The following RGS6 variants were observed in gnomAD, a reference collection of about 807,000 sequenced individuals.
RGS6 encodes the protein regulator of G protein signaling 6, also known as regulator of G-protein signaling 6.
In RGS6, 30 loss-of-function variants were observed where a neutral mutation model predicts 78.5. The observed-to-expected ratio is 0.38, with a 90% CI of 0.29 to 0.52. RGS6 has a LOEUF of 0.52. Among genes scored for constraint, RGS6 ranks in the 20% least tolerant of loss-of-function variants. The probability of loss-of-function intolerance (pLI) is 0.85; values close to 1 mark genes in which losing one functional copy is unlikely to be tolerated. For missense variants in RGS6, 495 were observed against 609.7 expected, an observed-to-expected ratio of 0.81 and a Z score of 1.98; for synonymous variants, 206 against 206.0, an observed-to-expected ratio of 1.00 and a Z score of 0.00.
chr14:72,520,837 G>T (rs528961353), intron 15 of RGS6, among the ~76,000 whole-genome samples: 2 of 152,300 alleles, frequency 1.3e-5, no homozygotes, highest in South Asian at 4.1e-4. Context: ...GGCCATCTCT[G>T]GCCAGTTGGC....
chr14:72,319,372 C>T lies in RGS6; in HGVS notation c.85-32723C>T, dbSNP rs1341283887. On this transcript the variant is annotated intron_variant, in intron 2 of 17. Transcript: ENST00000553525. ...GAAATTTTTTTTTTTTTTTTTGAGA[C>T]GGAGTCTCGCCCTGTTGCCCAGGCT... Among the ~76,000 whole-genome samples, 7 of 145,578 alleles carry T rather than the reference C, an allele frequency of 4.8e-5. No individual in the cohort carries two copies. In the South Asian group the frequency reaches 8.7e-4, roughly 18 times the overall value.
intron 2 of RGS6, among the ~76,000 whole-genome samples, chr14:72,341,137 T>C (rs8019371): frequency 0.47 from 70,668 of 151,930 alleles, 16,759 homozygotes; most frequent in South Asian, 0.6. Flanking sequence ...TTAATTGACT[T>C]GCAGTTCCAC....
intron 2 of RGS6, among the ~76,000 whole-genome samples, chr14:72,249,953 A>G (rs1425594505): frequency 6.6e-6 from 1 of 151,922 alleles, no homozygotes; most frequent in Non-Finnish European, 1.5e-5. Context: ...ACATGGATGA[A>G]ATTGGAAAAC....
At chr14:72,351,874 A>G (rs2079159771) in intron 2 of RGS6, among the ~76,000 whole-genome samples, 1 of 152,188 alleles carries the variant, frequency 6.6e-6, no homozygotes. Context: ...ATCTTGTTCC[A>G]GGACATGACT....
At chr14:72,281,199 G>A (rs7144049) in intron 2 of RGS6, among the ~76,000 whole-genome samples, 84,903 of 147,488 alleles carry the variant, frequency 0.58, 24,972 homozygotes, top group Non-Finnish European at 0.64. Context: ...TCCAGGCTGG[G>A]GTGCAATGGT....
At chr14:72,021,518 G>C (rs1427424484) in intron 2 of RGS6, among the ~76,000 whole-genome samples, 3 of 145,236 alleles carry the variant, frequency 2.1e-5, no homozygotes, top group South Asian at 2.2e-4. Flanking sequence ...ACCTGGGCTG[G>C]AGTGCAATGG....
At chr14:72,386,168 C>CATTCCTCATCATTTT (rs2087916832) in intron 3 of RGS6, among the ~76,000 whole-genome samples, 1 of 152,112 alleles carries the variant, frequency 6.6e-6, no homozygotes, top group Admixed American at 6.5e-5. Context: ...ACTTGGAGCC[C>CATTCCTCATCATTTT]ATTCCTCATC....
chr14:71,990,117 A>G (rs1408733898), intron 2 of RGS6, among the ~76,000 whole-genome samples: 1 of 152,204 alleles, frequency 6.6e-6, no homozygotes, highest in African/African-American at 2.4e-5. Context: ...CTGGCTTTAC[A>G]TAATAATAAA....
intron 3 of RGS6, among the ~76,000 whole-genome samples, chr14:72,369,462 T>C (rs1222782531): frequency 6.6e-6 from 1 of 152,198 alleles, no homozygotes; most frequent in Non-Finnish European, 1.5e-5. Context: ...CCACAAAGTT[T>C]GTGGTGATTT....
intron 2 of RGS6, among the ~76,000 whole-genome samples, chr14:72,293,637 A>T (rs1026180298): frequency 6.6e-6 from 1 of 152,188 alleles, no homozygotes; most frequent in Non-Finnish European, 1.5e-5. Context: ...TTAAAAGCAA[A>T]TGCCGACCAA....
At position 72,166,990 on chromosome 14, in the gene RGS6, C is replaced by T. The variant is rs112432575; in HGVS notation, c.85-185105C>T. 4.6e-3 allele frequency among the ~76,000 whole-genome samples: 696 copies of T among 152,284 alleles called. 3 individuals carry two copies. The highest frequency in any genetic ancestry group is 0.016 in the African/African-American group (651 of 41,554). The stretch of plus-strand genomic sequence containing the variant: ...TGTTTTAAATATTGGGCACTATTTT[C>T]GGTTCAGTAATTCAACCTATTTTAA... On this transcript the variant is annotated intron_variant, in intron 2 of 17. Coordinates refer to ENST00000553525, the MANE Select transcript of RGS6 (RefSeq NM_001204424.2).
At chr14:72,594,019 C>A in the RGS6 span, among the ~76,000 whole-genome samples, 4 of 152,066 alleles carry the variant, frequency 2.6e-5, no homozygotes, top group African/African-American at 9.7e-5. Flanking sequence ...GGGACCAGAA[C>A]CAAGATCTCT....
intron 3 of RGS6, among the ~76,000 whole-genome samples, chr14:72,362,123 C>A (rs1202267246): frequency 6.6e-6 from 1 of 152,212 alleles, no homozygotes; most frequent in East Asian, 1.9e-4. Context: ...ATGTGCCAGG[C>A]TCTAGAGTAG....
intron 2 of RGS6, among the ~76,000 whole-genome samples, chr14:72,256,906 A>C (rs945223226): frequency 2.0e-5 from 3 of 152,176 alleles, no homozygotes; most frequent in Non-Finnish European, 4.4e-5. Context: ...CAACTTAGTG[A>C]TGTTGAGATT....
At chr14:72,039,364 T>C (rs2092128584) in intron 2 of RGS6, among the ~76,000 whole-genome samples, 1 of 152,172 alleles carries the variant, frequency 6.6e-6, no homozygotes, top group African/African-American at 2.4e-5. Flanking sequence ...AGGAGGGATA[T>C]AGATCCTGAA....
chr14:72,588,144 T>C, the RGS6 span, among the ~76,000 whole-genome samples: 1 of 152,008 alleles, frequency 6.6e-6, no homozygotes, highest in African/African-American at 2.4e-5. Context: ...ACCCCCATAA[T>C]ATTGGGACGA....
intron 2 of RGS6, among the ~76,000 whole-genome samples, chr14:72,152,103 CACAT>C (rs2096698785): frequency 6.6e-6 from 1 of 152,176 alleles, no homozygotes; most frequent in East Asian, 1.9e-4. Flanking sequence ...AAGTGACTGA[CACAT>C]ACAGTTAAGT....
At chr14:72,191,906 C>T (rs1340261179) in intron 2 of RGS6, among the ~76,000 whole-genome samples, 1 of 152,172 alleles carries the variant, frequency 6.6e-6, no homozygotes, top group Non-Finnish European at 1.5e-5. Context: ...TGCTCCTTCC[C>T]TCTTGTTGGC....
At chr14:72,275,672 G>A (rs764076859) in intron 2 of RGS6, among the ~76,000 whole-genome samples, 5 of 152,182 alleles carry the variant, frequency 3.3e-5, no homozygotes, top group Non-Finnish European at 7.3e-5. Flanking sequence ...CTGGGTACAA[G>A]CATCCCATTT....
Sources: allele counts gnomAD v4.1 joint callset (sites outside exome capture counted in the v4.1 genomes callset), GRCh38; gene constraint gnomAD v4.1.1; transcripts MANE v1.5; gene names NCBI Gene and HGNC (gene_info 2026-07-23, HGNC 2026-07-21).